PLPPR1: variants seen among roughly 807,000 people sequenced by gnomAD.
PLPPR1 encodes the protein phospholipid phosphatase related 1.
PLPPR1 carries 10 observed loss-of-function variants against 33.1 expected under a neutral mutation model. That is an observed-to-expected ratio of 0.30 (90% confidence interval 0.19 to 0.51). The LOEUF is 0.51. Among genes scored for constraint, PLPPR1 ranks in the 20% least tolerant of loss-of-function variants. The pLI is 0.97. For synonymous variants in PLPPR1, 151 were observed against 151.0 expected, an observed-to-expected ratio of 1.00 and a Z score of 0.00; for missense variants, 304 against 408.1, an observed-to-expected ratio of 0.74 and a Z score of 2.20.
intron 1 of PLPPR1, among the ~76,000 whole-genome samples, chr9:101,150,037 C>A (rs1564158702): frequency 6.6e-6 from 1 of 152,052 alleles, no homozygotes; most frequent in Non-Finnish European, 1.5e-5. Flanking sequence ...GTATCCACAG[C>A]TGTTTTTCAG....
rs532488318 is a variant in PLPPR1, at chr9:101,138,879, A to G, written c.-45-46571A>G. On this transcript the variant is annotated intron_variant, in intron 1 of 7. Transcript: ENST00000374874. ...ATTTCAAATTTCATGTTTTTTCCCCAGGGTTTGGTAGGATTAAAGTTGACT... is the reference window on the plus strand; with the variant it reads ...ATTTCAAATTTCATGTTTTTTCCCCGGGGTTTGGTAGGATTAAAGTTGACT... Among the ~76,000 whole-genome samples the G allele has an allele frequency of 1.2e-4, 18 of 152,258 alleles. No homozygotes were observed. The South Asian group carries it at 3.5e-3, about 30-fold the overall frequency.
chr9:101,191,367 A>C (rs1054091184), intron 2 of PLPPR1, among the ~76,000 whole-genome samples: 6 of 152,198 alleles, frequency 3.9e-5, no homozygotes, highest in Admixed American at 1.3e-4. Context: ...AATTAAAAAG[A>C]GATAAAATTC....
At chr9:101,217,633 T>A (rs1826829395) in intron 2 of PLPPR1, among the ~76,000 whole-genome samples, 1 of 152,176 alleles carries the variant, frequency 6.6e-6, no homozygotes, top group African/African-American at 2.4e-5. Flanking sequence ...ACATAATACA[T>A]AAATGAATGA....
chr9:101,070,586 CCT>C (rs1245284995), intron 1 of PLPPR1, among the ~76,000 whole-genome samples: 1 of 152,006 alleles, frequency 6.6e-6, no homozygotes, highest in East Asian at 1.9e-4. Context: ...CTGGCTACTT[CCT>C]CTGTCTGCCT....
intron 1 of PLPPR1, among the ~76,000 whole-genome samples, chr9:101,087,624 CTTTG>C (rs1830694874): frequency 6.6e-6 from 1 of 152,104 alleles, no homozygotes; most frequent in African/African-American, 2.4e-5. Context: ...TTTACTTGTT[CTTTG>C]TTCTCAGAAA....
chr9:101,058,960 T>C (rs1365205892), intron 1 of PLPPR1, among the ~76,000 whole-genome samples: 1 of 152,120 alleles, frequency 6.6e-6, no homozygotes, highest in African/African-American at 2.4e-5. Flanking sequence ...AGGGCTTCAG[T>C]CCATATTACT....
At chr9:101,074,604 C>A (rs1195191871) in intron 1 of PLPPR1, among the ~76,000 whole-genome samples, 1 of 152,058 alleles carries the variant, frequency 6.6e-6, no homozygotes, top group East Asian at 1.9e-4. Flanking sequence ...TATCCTTTCT[C>A]TAACTATGAC....
At chr9:101,255,108 T>G (rs747181780) in intron 2 of PLPPR1, among the ~76,000 whole-genome samples, 11 of 152,200 alleles carry the variant, frequency 7.2e-5, no homozygotes, top group Non-Finnish European at 1.2e-4. Flanking sequence ...TTGATTTGCA[T>G]TTCTCCATTA....
intron 2 of PLPPR1, among the ~76,000 whole-genome samples, chr9:101,237,237 C>T (rs2118835085): frequency 6.6e-6 from 1 of 151,858 alleles, no homozygotes; most frequent in Middle Eastern, 3.4e-3. Context: ...TAAATTAGTA[C>T]AGCCTCTGTG....
chr9:101,162,111 A>C (rs1294831910), intron 1 of PLPPR1, among the ~76,000 whole-genome samples: 1 of 152,182 alleles, frequency 6.6e-6, no homozygotes, highest in East Asian at 1.9e-4. Context: ...TTGTTAAAAA[A>C]AAAAAAAAGA....
chr9:101,192,520 G>A (rs1005228977), intron 2 of PLPPR1, among the ~76,000 whole-genome samples: 1 of 152,032 alleles, frequency 6.6e-6, no homozygotes, highest in African/African-American at 2.4e-5. Context: ...ACTTCCTTAT[G>A]GGAACTTCAA....
At chr9:101,083,930 A>G (rs145124296) in intron 1 of PLPPR1, among the ~76,000 whole-genome samples, 2 of 152,322 alleles carry the variant, frequency 1.3e-5, no homozygotes, top group African/African-American at 4.8e-5. Context: ...GCTCATCTGT[A>G]AGGAGGATGC....
intron 1 of PLPPR1, among the ~76,000 whole-genome samples, chr9:101,094,329 A>T (rs1830787518): frequency 6.6e-6 from 1 of 151,786 alleles, no homozygotes; most frequent in Admixed American, 6.6e-5. Flanking sequence ...TGATTGTATT[A>T]CCCTCCTGTG....
At chr9:101,199,410 AATAACTTT>A (rs1826453961) in intron 2 of PLPPR1, among the ~76,000 whole-genome samples, 1 of 152,182 alleles carries the variant, frequency 6.6e-6, no homozygotes, top group African/African-American at 2.4e-5. Flanking sequence ...ATGTAAGTAC[AATAACTTT>A]ATTCTCTGTC....
intron 2 of PLPPR1, among the ~76,000 whole-genome samples, chr9:101,267,189 G>A (rs965145371): frequency 1.3e-5 from 2 of 152,170 alleles, no homozygotes; most frequent in Admixed American, 6.5e-5. Flanking sequence ...AAGTCAACTG[G>A]CTATGTTCCT....
chr9:101,077,804 C>G (rs1339846652), intron 1 of PLPPR1, among the ~76,000 whole-genome samples: 2 of 151,922 alleles, frequency 1.3e-5, no homozygotes, highest in African/African-American at 2.4e-5. Context: ...AGGCGGCTCC[C>G]TTAGAAAGGG....
intron 2 of PLPPR1, among the ~76,000 whole-genome samples, chr9:101,213,065 TG>T (rs1283410225): frequency 7.2e-5 from 11 of 152,208 alleles, no homozygotes; most frequent in Admixed American, 3.3e-4. Context: ...ATGAGGACAC[TG>T]CAATATAGAG....
rs1334350955 is a variant in PLPPR1, at chr9:101,295,693, C to A, written c.385+9457C>A. 2.0e-5 allele frequency among the ~76,000 whole-genome samples: 3 copies of A among 151,098 alleles called. No homozygotes were observed. The East Asian group carries it at 5.8e-4, about 29-fold the overall frequency. ...CTTTGACAAACCTGAGAAAAACAAG[C>A]AATGGGGAAAGGAATCCCTATTTAA... On this transcript the variant is annotated intron_variant, in intron 4 of 7. Coordinates refer to ENST00000374874, the MANE Select transcript of PLPPR1 (RefSeq NM_207299.2).
chr9:101,296,712 C>G (rs1005612275), intron 4 of PLPPR1, among the ~76,000 whole-genome samples: 1 of 151,898 alleles, frequency 6.6e-6, no homozygotes, highest in Non-Finnish European at 1.5e-5. Flanking sequence ...AACCAAACAC[C>G]GTATATTTTC....
Sources: gnomAD v4.1 joint callset for allele counts (sites outside exome capture counted in the v4.1 genomes callset) on GRCh38, gnomAD v4.1.1 for gene constraint, MANE v1.5 for transcripts, NCBI Gene and HGNC (gene_info 2026-07-23, HGNC 2026-07-21) for gene names.